The following SLIT3 variants were observed in gnomAD, a reference collection of about 807,000 sequenced individuals.
SLIT3 encodes the protein slit guidance ligand 3.
Under a neutral mutation model 184.0 loss-of-function variants are expected in SLIT3, and 68 were observed. That is an observed-to-expected ratio of 0.37 (90% confidence interval 0.30 to 0.45). The LOEUF (loss-of-function observed/expected upper bound fraction) is 0.45, where lower values mean the gene tolerates loss of function less well. Among genes scored for constraint, SLIT3 ranks in the 20% least tolerant of loss-of-function variants. SLIT3 has a pLI of 1.00. For synonymous variants in SLIT3, 831 were observed against 828.6 expected (o/e 1.00, Z -0.05); for missense variants, 1,707 against 2,026.0 (o/e 0.84, Z 3.02).
chr5:168,803,848 T>G (rs1255841221), intron 9 of SLIT3, among the ~76,000 whole-genome samples: 2 of 152,032 alleles, frequency 1.3e-5, no homozygotes, highest in African/African-American at 4.8e-5. Context: ...GTCTTGAACA[T>G]CCACTGTGGG....
chr5:168,743,194 C>T (rs376040270), intron 20 of SLIT3, among the ~76,000 whole-genome samples: 1 of 152,072 alleles, frequency 6.6e-6, no homozygotes, highest in Non-Finnish European at 1.5e-5. Context: ...GAGGGTACTG[C>T]GTACCTTGTT....
intron 4 of SLIT3, among the ~76,000 whole-genome samples, chr5:169,053,062 G>A (rs551393062): frequency 2.6e-4 from 40 of 152,334 alleles, no homozygotes; most frequent in African/African-American, 9.6e-4. Context: ...GAGGGCCAAA[G>A]AAGAAGGTGT....
At chr5:168,840,148 G>C (rs924227906) in intron 6 of SLIT3, among the ~76,000 whole-genome samples, 1 of 152,130 alleles carries the variant, frequency 6.6e-6, no homozygotes, top group Admixed American at 6.5e-5. Flanking sequence ...GTTATCTATG[G>C]ACCTGTTGGG....
intron 4 of SLIT3, among the ~76,000 whole-genome samples, chr5:169,013,724 G>A (rs1319085653): frequency 6.6e-6 from 1 of 152,180 alleles, no homozygotes; most frequent in African/African-American, 2.4e-5. Flanking sequence ...AAAGACAAAT[G>A]TATTTTGAGC....
rs754469833 is a variant in SLIT3 at position 168,671,402 on chromosome 5, T to A, written c.3923A>T (p.Glu1308Val). 2.4e-5 allele frequency: 38 copies of A among 1,613,970 alleles called. No homozygotes were observed. Among genetic ancestry groups the A allele is most frequent in the Non-Finnish European group, 1.7e-6 (2 of 1,180,012 alleles). The stretch of plus-strand genomic sequence containing the variant: ...CTGCAGCTCGTTGTTGATGCGCACC[T>A]CATGGATGCATCCGTGGAAGCCGCC... Reference protein sequence around the residue: ...PLGGFHGCIHEVRINNELQDF... With the variant: ...PLGGFHGCIHVVRINNELQDF... The change falls in exon 34 of 36, where the codon GAG (glutamate) becomes GTG (valine). Residue 1308 changes from glutamate (E) to valine (V), a missense_variant. By Grantham distance (121) the Glu-to-Val change is moderately radical (BLOSUM62 -2). Around this residue, in one of 3 missense-constraint regions of SLIT3, gnomAD observed 387 missense variants for 477.9 expected, o/e 0.81. Coordinates refer to ENST00000519560, the MANE Select transcript of SLIT3 (RefSeq NM_003062.4).
chr5:168,985,434 G>C (rs1196011666), intron 4 of SLIT3, among the ~76,000 whole-genome samples: 2 of 152,182 alleles, frequency 1.3e-5, no homozygotes, highest in African/African-American at 4.8e-5. Flanking sequence ...AGGGGAGTCT[G>C]TGTCCTGGTG....
In SLIT3 at chr5:168,834,686, C is replaced by CAAAA. The variant is rs540528948; in HGVS notation, c.557+9894_557+9897dup. Among the ~76,000 whole-genome samples, 42 of 37,422 alleles carry CAAAA rather than the reference C, an allele frequency of 1.1e-3. 9 individuals carry two copies. Among genetic ancestry groups the CAAAA allele is most frequent in the African/African-American group, 2.2e-3 (21 of 9,668 alleles). 24.6% of individuals were successfully genotyped at this position (37,422 alleles called of 152,430 possible). On this transcript the variant is annotated intron_variant, in intron 6 of 35. Coordinates refer to ENST00000519560, the MANE Select transcript of SLIT3 (RefSeq NM_003062.4). The stretch of plus-strand genomic sequence containing the variant: ...TGGGACACACAGCGAGACTCTGTCT[C>CAAAA]AAAAAAAAAAAAAAAAAAAAAAAAA...
intron 1 of SLIT3, among the ~76,000 whole-genome samples, chr5:169,290,480 C>T (rs1767322162): frequency 6.8e-6 from 1 of 147,308 alleles, no homozygotes; most frequent in East Asian, 2.1e-4. Context: ...CTAGGACATA[C>T]ACTGGGGTAC....
At chr5:169,148,414 C>T (rs1308897176) in intron 4 of SLIT3, among the ~76,000 whole-genome samples, 1 of 152,120 alleles carries the variant, frequency 6.6e-6, no homozygotes, top group Non-Finnish European at 1.5e-5. Context: ...AACAGAATAG[C>T]CTGAAAGCTC....
intron 4 of SLIT3, among the ~76,000 whole-genome samples, chr5:169,038,849 C>T (rs1312366606): frequency 6.6e-6 from 1 of 152,078 alleles, no homozygotes; most frequent in Admixed American, 6.5e-5. Flanking sequence ...TGTGTTCCTA[C>T]CTCCACCTCC....
chr5:169,261,234 A>G (rs1766163684), intron 1 of SLIT3, among the ~76,000 whole-genome samples: 1 of 152,188 alleles, frequency 6.6e-6, no homozygotes, highest in Admixed American at 6.5e-5. Flanking sequence ...TGACATTTTA[A>G]TTGAGACCTC....
intron 9 of SLIT3, 87 bp downstream of exon 9, chr5:168,806,359 C>A: frequency 2.1e-6 from 3 of 1,445,858 alleles, no homozygotes; most frequent in Non-Finnish European, 2.9e-6. Context: ...CAGCCCCACA[C>A]GCTGATGGCC....
Position 168,871,280 on chromosome 5 carries a change from C to T in SLIT3, c.485+11985G>A, listed in dbSNP as rs149822116. 1.6e-3 allele frequency among the ~76,000 whole-genome samples: 250 copies of T among 152,316 alleles called. 1 individual carries two copies. The highest frequency in any genetic ancestry group is 5.6e-3 in the African/African-American group (234 of 41,560). ...CAGGATAATCTATCCACTTGAAGAACCTGAATTCTTGATTTGTAATCCTTT... is the reference window on the plus strand; with the variant it reads ...CAGGATAATCTATCCACTTGAAGAATCTGAATTCTTGATTTGTAATCCTTT... On this transcript the variant is annotated intron_variant, in intron 5 of 35. Transcript: ENST00000519560.
chr5:168,753,382 C>T (rs534540290), intron 17 of SLIT3, among the ~76,000 whole-genome samples: 15 of 152,170 alleles, frequency 9.9e-5, no homozygotes, highest in Admixed American at 6.5e-5. Flanking sequence ...AGGGTGTGCA[C>T]ACATATTTCT....
intron 4 of SLIT3, among the ~76,000 whole-genome samples, chr5:168,905,472 T>G (rs561076260): frequency 1.3e-5 from 2 of 152,236 alleles, no homozygotes; most frequent in Non-Finnish European, 2.9e-5. Flanking sequence ...AGTACGATCA[T>G]GTATCTGCAA....
chr5:168,966,350 A>G (rs1763193381), intron 4 of SLIT3, among the ~76,000 whole-genome samples: 1 of 149,210 alleles, frequency 6.7e-6, no homozygotes, highest in South Asian at 2.1e-4. Flanking sequence ...TTTTTTTTTA[A>G]TTTTAGAAGC....
rs571749606 is a variant in SLIT3, at chr5:168,742,271, C to T, written c.2270+6031G>A. On this transcript the variant is annotated intron_variant, in intron 20 of 35. Coordinates refer to ENST00000519560, the MANE Select transcript of SLIT3 (RefSeq NM_003062.4). ...GCTCCTAGCCCAGTGCTCTTTCTAC[C>T]ACATTCTACCTGCTTCCCCATCGCA... Among the ~76,000 whole-genome samples, 242 of 150,618 alleles carry T rather than the reference C, an allele frequency of 1.6e-3. 2 individuals are homozygous for T. The highest frequency in any genetic ancestry group is 5.3e-3 in the African/African-American group (215 of 40,560).
chr5:169,133,546 G>C (rs969627675), intron 4 of SLIT3, among the ~76,000 whole-genome samples: 1 of 152,170 alleles, frequency 6.6e-6, no homozygotes. Flanking sequence ...AGGTTGTCAG[G>C]GATCACTTTC....
intron 4 of SLIT3, among the ~76,000 whole-genome samples, chr5:169,137,854 G>A (rs1761580429): frequency 6.6e-6 from 1 of 152,120 alleles, no homozygotes; most frequent in Non-Finnish European, 1.5e-5. Flanking sequence ...CCTAGAGTCT[G>A]GTCTTGACCT....
Sources: gnomAD v4.1 joint callset for allele counts (sites outside exome capture counted in the v4.1 genomes callset) on GRCh38, gnomAD v4.1.1 for gene constraint, gnomAD v4.1.1 regional missense constraint, MANE v1.5 for transcripts, NCBI Gene and HGNC (gene_info 2026-07-23, HGNC 2026-07-21) for gene names.